The following MACROD2 variants were observed in gnomAD, a reference collection of about 807,000 sequenced individuals.
The protein encoded by MACROD2 is mono-ADP ribosylhydrolase 2.
In MACROD2, 36 loss-of-function variants were observed where a neutral mutation model predicts 70.4. The observed-to-expected ratio is 0.51, with a 90% CI of 0.39 to 0.68. The LOEUF is 0.68. Ranked by LOEUF, MACROD2 falls within the 30% of genes least tolerant of loss-of-function variation. The probability of loss-of-function intolerance (pLI) is 0.00; values close to 1 mark genes in which losing one functional copy is unlikely to be tolerated. For synonymous variants in MACROD2, 172 were observed against 178.8 expected, an observed-to-expected ratio of 0.96 and a Z score of 0.30; for missense variants, 496 against 538.4, an observed-to-expected ratio of 0.92 and a Z score of 0.78.
chr20:15,411,041 C>A (rs1234746654), intron 6 of MACROD2, among the ~76,000 whole-genome samples: 1 of 151,966 alleles, frequency 6.6e-6, no homozygotes, highest in Non-Finnish European at 1.5e-5. Flanking sequence ...TGCTTGTTAG[C>A]TAAACTTATG....
intron 4 of MACROD2, among the ~76,000 whole-genome samples, chr20:14,609,099 A>C (rs997676134): frequency 6.6e-6 from 1 of 152,078 alleles, no homozygotes; most frequent in Non-Finnish European, 1.5e-5. Flanking sequence ...AGAGGCTTTG[A>C]AGCACATGAA....
intron 8 of MACROD2, among the ~76,000 whole-genome samples, chr20:15,756,813 C>A (rs1464064047): frequency 6.6e-6 from 1 of 152,128 alleles, no homozygotes; most frequent in Non-Finnish European, 1.5e-5. Context: ...CATTAAAAAC[C>A]TTTTGGTAGG....
At chr20:14,612,462 C>T (rs891295089) in intron 4 of MACROD2, among the ~76,000 whole-genome samples, 5 of 151,952 alleles carry the variant, frequency 3.3e-5, no homozygotes, top group African/African-American at 1.2e-4. Context: ...TGTAATTTCC[C>T]ACCAGGTAAA....
intron 5 of MACROD2, among the ~76,000 whole-genome samples, chr20:15,148,873 G>A (rs1376530820): frequency 6.6e-6 from 1 of 152,004 alleles, no homozygotes; most frequent in Non-Finnish European, 1.5e-5. Flanking sequence ...CGTAAGGGAT[G>A]TAAAGGTTTC....
intron 5 of MACROD2, among the ~76,000 whole-genome samples, chr20:14,918,608 G>GTTTTT (rs201816737): frequency 4.4e-5 from 6 of 135,622 alleles, no homozygotes; most frequent in Admixed American, 7.4e-5. Context: ...GTGACACTGT[G>GTTTTT]TTTTTTTTGT....
intron 5 of MACROD2, among the ~76,000 whole-genome samples, chr20:15,194,034 T>A (rs2076588935): frequency 2.6e-5 from 4 of 151,744 alleles, no homozygotes; most frequent in Admixed American, 6.6e-5. Flanking sequence ...TCACCTGAGG[T>A]CAGGAGTTCA....
At chr20:14,002,703 T>G (rs1430606792) in intron 2 of MACROD2, among the ~76,000 whole-genome samples, 1 of 152,178 alleles carries the variant, frequency 6.6e-6, no homozygotes, top group African/African-American at 2.4e-5. Flanking sequence ...AGAGATTTGC[T>G]GCTTTGGTGG....
At chr20:14,321,162 G>A (rs1218307643) in intron 3 of MACROD2, among the ~76,000 whole-genome samples, 1 of 151,772 alleles carries the variant, frequency 6.6e-6, no homozygotes, top group Admixed American at 6.6e-5. Flanking sequence ...GTTGGAAGTT[G>A]GAGACCAGCC....
chr20:15,877,042 G>A (rs539995603), intron 9 of MACROD2, among the ~76,000 whole-genome samples: 1 of 152,168 alleles, frequency 6.6e-6, no homozygotes, highest in South Asian at 2.1e-4. Context: ...TTGAGCATGG[G>A]AACTGAAACC....
intron 3 of MACROD2, among the ~76,000 whole-genome samples, chr20:14,370,336 CT>C (rs1397392437): frequency 6.6e-6 from 1 of 151,922 alleles, no homozygotes; most frequent in African/African-American, 2.4e-5. Flanking sequence ...AAAAAGGTAG[CT>C]TTTGAGGAAA....
intron 5 of MACROD2, among the ~76,000 whole-genome samples, chr20:14,695,120 A>C (rs996417589): frequency 1.4e-4 from 22 of 152,116 alleles, no homozygotes; most frequent in Non-Finnish European, 3.2e-4. Context: ...CTTGATGGCC[A>C]AAAAAAGCAG....
intron 3 of MACROD2, among the ~76,000 whole-genome samples, chr20:14,306,286 G>A (rs983703771): frequency 6.6e-6 from 1 of 151,820 alleles, no homozygotes; most frequent in Non-Finnish European, 1.5e-5. Flanking sequence ...TACCTCTAAG[G>A]TACAATCCTT....
intron 8 of MACROD2, among the ~76,000 whole-genome samples, chr20:15,852,858 A>C (rs2064315396): frequency 6.6e-6 from 1 of 152,170 alleles, no homozygotes; most frequent in Admixed American, 6.5e-5. Flanking sequence ...TTTTTTAAAA[A>C]ATTAGCCAGG....
At chr20:14,923,075 C>T (rs1600828847) in intron 5 of MACROD2, among the ~76,000 whole-genome samples, 2 of 152,116 alleles carry the variant, frequency 1.3e-5, no homozygotes, top group East Asian at 1.9e-4. Flanking sequence ...CAATTGCCAG[C>T]GGTCAATTCT....
At chr20:14,867,611 A>G (rs1027754762) in intron 5 of MACROD2, among the ~76,000 whole-genome samples, 7 of 151,976 alleles carry the variant, frequency 4.6e-5, no homozygotes, top group Non-Finnish European at 1.0e-4. Context: ...TGCCATGTTG[A>G]TTTCTTTTGT....
chr20:14,668,140 T>A (rs1282461777), intron 4 of MACROD2, among the ~76,000 whole-genome samples: 1 of 151,546 alleles, frequency 6.6e-6, no homozygotes, highest in African/African-American at 2.4e-5. Flanking sequence ...GGCAACAGAG[T>A]GAGACCCTGT....
intron 4 of MACROD2, among the ~76,000 whole-genome samples, chr20:14,655,841 TTGGCTTTCTAGAAAA>T (rs1985946858): frequency 6.6e-6 from 1 of 152,216 alleles, no homozygotes; most frequent in Non-Finnish European, 1.5e-5. Flanking sequence ...TATGAGTTAA[TTGGCTTTCTAGAAAA>T]TGATAGAGGC....
At chr20:14,762,788 G>A (rs1600638014) in intron 5 of MACROD2, among the ~76,000 whole-genome samples, 1 of 152,032 alleles carries the variant, frequency 6.6e-6, no homozygotes, top group Non-Finnish European at 1.5e-5. Context: ...AAATTAGCCA[G>A]ATGTGGCTGT....
At chr20:15,276,370 G>GGC (rs1461616071) in intron 6 of MACROD2, among the ~76,000 whole-genome samples, 3 of 140,832 alleles carry the variant, frequency 2.1e-5, no homozygotes, top group Admixed American at 1.5e-4. Flanking sequence ...ACTGCACTCT[G>GGC]GCCTGGGCGA....
Sources: gnomAD v4.1 joint callset for allele counts (sites outside exome capture counted in the v4.1 genomes callset) on GRCh38, gnomAD v4.1.1 for gene constraint, MANE v1.5 for transcripts, NCBI Gene and HGNC (gene_info 2026-07-23, HGNC 2026-07-21) for gene names.